FBXO11: variants seen among roughly 807,000 people sequenced by gnomAD.
The protein encoded by FBXO11 is F-box protein 11.
A neutral mutation model predicts 117.0 loss-of-function variants in FBXO11; 13 were observed. The observed-to-expected ratio is 0.11, with a 90% CI of 0.07 to 0.18. The LOEUF (loss-of-function observed/expected upper bound fraction) is 0.18. Among genes scored for constraint, FBXO11 ranks in the 10% least tolerant of loss-of-function variants. The probability of loss-of-function intolerance (pLI) is 1.00; values close to 1 mark genes in which losing one functional copy is unlikely to be tolerated. For synonymous variants in FBXO11, 490 were observed against 380.5 expected, an observed-to-expected ratio of 1.29 and a Z score of -3.35; for missense variants, 767 against 1,164.4, an observed-to-expected ratio of 0.66 and a Z score of 4.97.
At chr2:47,825,127 G>A (rs192352795) in intron 11 of FBXO11, among the ~76,000 whole-genome samples, 9 of 152,162 alleles carry the variant, frequency 5.9e-5, no homozygotes, top group Non-Finnish European at 1.0e-4. Flanking sequence ...TTAAAAAGGG[G>A]ATATTCTGAA....
chr2:47,904,429 G>A (rs1470298602), intron 1 of FBXO11, among the ~76,000 whole-genome samples: 2 of 152,302 alleles, frequency 1.3e-5, no homozygotes, highest in South Asian at 4.1e-4. Context: ...CATCCAAGTA[G>A]AACTGAACAT....
intron 1 of FBXO11, among the ~76,000 whole-genome samples, chr2:47,859,013 C>A (rs1226314774): frequency 6.9e-6 from 1 of 144,728 alleles, no homozygotes; most frequent in African/African-American, 2.6e-5. Flanking sequence ...TGCACTCCAG[C>A]CTGGGCGACT....
At chr2:47,851,989 A>ATGTTTT in intron 1 of FBXO11, among the ~76,000 whole-genome samples, 2 of 132,850 alleles carry the variant, frequency 1.5e-5, no homozygotes, top group South Asian at 4.7e-4. Context: ...CAAGCAACCA[A>ATGTTTT]TTTTTTTTTT....
chr2:47,893,838 A>C (rs1039788019), intron 1 of FBXO11, among the ~76,000 whole-genome samples: 1 of 152,192 alleles, frequency 6.6e-6, no homozygotes, highest in Non-Finnish European at 1.5e-5. Flanking sequence ...CTTATCCCCA[A>C]ATTTAGGGAT....
At chr2:47,824,938 T>C (rs923306628) in intron 11 of FBXO11, among the ~76,000 whole-genome samples, 1 of 152,234 alleles carries the variant, frequency 6.6e-6, no homozygotes, top group African/African-American at 2.4e-5. Flanking sequence ...TAAGTATTTT[T>C]CTCATGTTAC....
intron 1 of FBXO11, among the ~76,000 whole-genome samples, chr2:47,902,474 T>C (rs1213264157): frequency 5.9e-5 from 9 of 152,150 alleles, no homozygotes. Context: ...CTAGTTTCTT[T>C]CTTCTTCAAA....
Position 47,901,167 on chromosome 2 carries a change from A to G in FBXO11, c.232+4322T>C, listed in dbSNP as rs181426715. Among the ~76,000 whole-genome samples the G allele has an allele frequency of 1.0e-3, 146 of 139,594 alleles. 2 individuals carry two copies. Among genetic ancestry groups the G allele is most frequent in the Admixed American group, 4.2e-3 (57 of 13,734 alleles). The allele number at this position is 139,594 out of a possible 152,430, so 91.6% of individuals were successfully genotyped here. On this transcript the variant is annotated intron_variant, in intron 1 of 22. Coordinates refer to ENST00000403359, the MANE Select transcript of FBXO11 (RefSeq NM_001190274.2). ...CACACGTGTGTACATATATACATAT[A>G]TATGTATATATATGTGGGTACATAT...
chr2:47,825,957 T>C (rs1016808471), intron 11 of FBXO11, among the ~76,000 whole-genome samples: 7 of 152,048 alleles, frequency 4.6e-5, no homozygotes, highest in Non-Finnish European at 8.8e-5. Flanking sequence ...TAAAAAAAAA[T>C]TGATATACAC....
chr2:47,807,067 C>A lies in FBXO11; in HGVS notation c.*1051G>T. 1.8e-6 allele frequency: 1 copy of A among 564,938 alleles called. No individual in the cohort carries two copies. Among genetic ancestry groups the A allele is most frequent in the Non-Finnish European group, 3.1e-6 (1 of 321,204 alleles). 35.0% of individuals were successfully genotyped at this position (564,938 alleles called of 1,614,324 possible). A position where few individuals can be genotyped will look rare whatever the true frequency, so the allele number is the denominator to read the frequency against. On this transcript the variant is annotated 3_prime_UTR_variant, in exon 23 of 23. Transcript: ENST00000403359. ...TTAAGTCTAGATGTTATGGTACATGCATACACTTTCAGGCTGTTTTATACC... is the reference window on the plus strand; with the variant it reads ...TTAAGTCTAGATGTTATGGTACATGAATACACTTTCAGGCTGTTTTATACC...
chr2:47,870,449 G>A (rs919564685), intron 1 of FBXO11, among the ~76,000 whole-genome samples: 1 of 152,006 alleles, frequency 6.6e-6, no homozygotes, highest in Non-Finnish European at 1.5e-5. Flanking sequence ...TTTAGGGTGG[G>A]GCCTAATTCA....
chr2:47,899,999 G>C (rs1677979572), intron 1 of FBXO11, among the ~76,000 whole-genome samples: 1 of 152,104 alleles, frequency 6.6e-6, no homozygotes. Context: ...CTCACTAACA[G>C]ATCAGGAACT....
intron 16 of FBXO11, 32 bp from the exon 17 acceptor site, chr2:47,813,899 A>C (rs879469043): frequency 4.1e-6 from 6 of 1,481,254 alleles, no homozygotes; most frequent in Non-Finnish European, 5.7e-6. Context: ...ATACCATTTC[A>C]ATAGCTTCTA....
intron 1 of FBXO11, among the ~76,000 whole-genome samples, chr2:47,873,135 T>C (rs1167939599): frequency 6.6e-6 from 1 of 152,324 alleles, no homozygotes; most frequent in African/African-American, 2.4e-5. Flanking sequence ...AAAGTACTCT[T>C]CTAGCCTCTT....
Position 47,906,082 on chromosome 2 carries a change from G to A in FBXO11, c.-362C>T. On this transcript the variant is annotated 5_prime_UTR_variant, in exon 1 of 23. Transcript: ENST00000403359. ...GAGGCGAAGCGCGGCGGCGGCGGCG[G>A]CGGCGGCTGAAGAGACAGATCCCGG... The A allele has an allele frequency of 3.8e-6, 1 of 265,606 alleles. No homozygotes were observed. Among genetic ancestry groups the A allele is most frequent in the Non-Finnish European group, 7.1e-6 (1 of 140,706 alleles). 16.5% of individuals were successfully genotyped at this position (265,606 alleles called of 1,614,324 possible).
At chr2:47,839,125 G>A (rs1180835643) in intron 3 of FBXO11, 122 bp from the exon 4 acceptor site, 7 of 996,436 alleles carry the variant, frequency 7.0e-6, no homozygotes, top group Non-Finnish European at 1.0e-5. Flanking sequence ...CATTTTATAA[G>A]CATGTGGGTT....
Position 47,834,333 on chromosome 2 carries a change from T to C in FBXO11, c.934+246A>G, listed in dbSNP as rs187737658. Among the ~76,000 whole-genome samples, 297 of 151,384 alleles carry C rather than the reference T, an allele frequency of 2.0e-3. 2 individuals are homozygous for C. The highest frequency in any genetic ancestry group is 6.7e-3 in the African/African-American group (275 of 41,194). On this transcript the variant is annotated intron_variant, in intron 7 of 22. Coordinates refer to ENST00000403359, the MANE Select transcript of FBXO11 (RefSeq NM_001190274.2). ...CCACTGCACTCTAGCCTGAGTGACA[T>C]AGCTAGACTCTGCATCAAAAAAACA...
intron 1 of FBXO11, among the ~76,000 whole-genome samples, chr2:47,842,129 C>T (rs1227182057): frequency 8.0e-5 from 12 of 150,742 alleles, no homozygotes; most frequent in African/African-American, 2.9e-4. Context: ...CATTCTCCGG[C>T]CTCAGCCTCC....
chr2:47,861,041 G>C (rs1441341045), intron 1 of FBXO11, among the ~76,000 whole-genome samples: 1 of 151,354 alleles, frequency 6.6e-6, no homozygotes, highest in Non-Finnish European at 1.5e-5. Flanking sequence ...GTAGAGATGG[G>C]GTTTCTCCAT....
At chr2:47,898,893 C>T (rs1005611349) in intron 1 of FBXO11, among the ~76,000 whole-genome samples, 1 of 151,974 alleles carries the variant, frequency 6.6e-6, no homozygotes, top group Middle Eastern at 3.4e-3. Flanking sequence ...AATTTTTTTG[C>T]TACTTACTAT....
Sources: allele counts gnomAD v4.1 joint callset (sites outside exome capture counted in the v4.1 genomes callset), GRCh38; gene constraint gnomAD v4.1.1; transcripts MANE v1.5; gene names NCBI Gene and HGNC (gene_info 2026-07-23, HGNC 2026-07-21).